Variants in FAR1 observed in about 807,000 individuals in gnomAD.
The protein encoded by FAR1 is male sterility domain-containing protein 2.
Under a neutral mutation model 61.1 loss-of-function variants are expected in FAR1, and 22 were observed. That is an observed-to-expected ratio of 0.36 (90% CI 0.26 to 0.51). FAR1 has a LOEUF of 0.51. Ranked by LOEUF, FAR1 falls within the 20% of genes least tolerant of loss-of-function variation. The pLI, the probability that FAR1 is intolerant of heterozygous loss-of-function variation, is 0.95. For synonymous variants in FAR1, 206 were observed against 209.7 expected (o/e 0.98, Z 0.15); for missense variants, 359 against 626.9 (o/e 0.57, Z 4.56).
intron 1 of FAR1, among the ~76,000 whole-genome samples, chr11:13,676,711 GA>G (rs1432510416): frequency 6.6e-5 from 10 of 152,158 alleles, no homozygotes; most frequent in Admixed American, 1.3e-4. Flanking sequence ...CAGGAGATAG[GA>G]ACAGGTGAAT....
intron 10 of FAR1, chr11:13,723,362 CAAAAA>C (rs71313446): frequency 1.5e-4 from 38 of 259,812 alleles, no homozygotes; most frequent in South Asian, 2.0e-4. Flanking sequence ...GAGAGTCTCT[CAAAAA>C]AAAAAAAAAA....
intron 4 of FAR1, among the ~76,000 whole-genome samples, chr11:13,708,447 G>GCGCGCGCGCACACACA (rs139902063): frequency 7.3e-6 from 1 of 136,700 alleles, no homozygotes; most frequent in African/African-American, 2.8e-5. Flanking sequence ...GCGCGCGCGC[G>GCGCGCGCGCACACACA]CACACACACA....
At chr11:13,706,354 T>G (rs1848431552) in intron 3 of FAR1, among the ~76,000 whole-genome samples, 1 of 152,168 alleles carries the variant, frequency 6.6e-6, no homozygotes, top group Non-Finnish European at 1.5e-5. Flanking sequence ...ACTAGATTAA[T>G]AAATATACCA....
chr11:13,676,867 A>T (rs1159997441), intron 1 of FAR1, among the ~76,000 whole-genome samples: 3 of 152,186 alleles, frequency 2.0e-5, no homozygotes, highest in African/African-American at 7.2e-5. Context: ...ACTAGTAGGA[A>T]ACAACTTATT....
At chr11:13,708,372 CAAAA>C (rs757008259) in intron 4 of FAR1, among the ~76,000 whole-genome samples, 3 of 142,904 alleles carry the variant, frequency 2.1e-5, no homozygotes, top group Non-Finnish European at 4.6e-5. Flanking sequence ...AAACAAAAAA[CAAAA>C]AAAAAACCTT....
rs1227030017 is a variant in FAR1 at position 13,712,698 on chromosome 11, T to C, written c.888-268T>C. ...TTGTTGTTTTCCTCGTGTTTAAAAA[T>C]AGACATTCCTGCTAATATAAGGAGG... On this transcript the variant is annotated intron_variant, in intron 7 of 11. Coordinates refer to ENST00000354817, the MANE Select transcript of FAR1 (RefSeq NM_032228.6). Among the ~76,000 whole-genome samples, 4 of 152,046 alleles carry C rather than the reference T, an allele frequency of 2.6e-5. No individual in the cohort carries two copies. The East Asian group carries it at 5.8e-4, about 22-fold the overall frequency.
chr11:13,711,679 A>G, intron 5 of FAR1, 85 bp from the exon 6 acceptor site: 1 of 992,798 alleles, frequency 1.0e-6, no homozygotes, highest in Non-Finnish European at 1.6e-6. Context: ...CCAAGTATAT[A>G]TTTGGGGTTG....
At position 13,721,874 on chromosome 11, in the gene FAR1, T is replaced by C; in HGVS notation, c.1257+15T>C. 6.3e-7 allele frequency: 1 copy of C among 1,582,838 alleles called. No homozygotes were observed. Among genetic ancestry groups the C allele is most frequent in the Non-Finnish European group, 8.6e-7 (1 of 1,165,766 alleles). ...AAGATAAAAAGGCAAGCAAGTATTT[T>C]CTGTTTTATATTAGAAAATAAGTAG... is the stretch of plus-strand genomic sequence containing the variant. On this transcript the variant is annotated intron_variant, in intron 10 of 11. Transcript: ENST00000354817. This position sits in a 1 kb window ranked among gnomAD's most constrained non-coding sequence, Gnocchi z 4.2.
intron 1 of FAR1, among the ~76,000 whole-genome samples, chr11:13,686,157 C>G (rs1848182672): frequency 6.6e-6 from 1 of 152,114 alleles, no homozygotes. Context: ...GGACCTCAGG[C>G]AAGAAAAGTT....
chr11:13,700,220 A>C (rs928641356), intron 2 of FAR1, 97 bp from the exon 3 acceptor site: 1 of 893,210 alleles, frequency 1.1e-6, no homozygotes, highest in Non-Finnish European at 1.7e-6. Flanking sequence ...TAAGTTTCTA[A>C]AAAAATAGTC....
intron 2 of FAR1, among the ~76,000 whole-genome samples, chr11:13,699,683 C>A (rs1848348826): frequency 6.6e-6 from 1 of 152,152 alleles, no homozygotes; most frequent in African/African-American, 2.4e-5. Flanking sequence ...GATTGTCTAG[C>A]AAAATTTATT....
chr11:13,691,366 T>C lies in FAR1; in HGVS notation c.-7-3393T>C, dbSNP rs192002506. 1.4e-3 allele frequency among the ~76,000 whole-genome samples: 220 copies of C among 152,346 alleles called. 1 individual carries two copies. The highest frequency in any genetic ancestry group is 5.1e-3 in the African/African-American group (212 of 41,590). ...TCTTAATAGTATCACATTGGCAAAATCTGAATTTTGGAGGGGACACATTCA... is the reference window on the plus strand; with the variant it reads ...TCTTAATAGTATCACATTGGCAAAACCTGAATTTTGGAGGGGACACATTCA... On this transcript the variant is annotated intron_variant, in intron 1 of 11. Transcript: ENST00000354817.
In FAR1 at chr11:13,714,815, A is replaced by T. The variant is rs377119308; in HGVS notation, c.1127+135A>T. The T allele has an allele frequency of 9.7e-6, 7 of 720,686 alleles. No individual in the cohort carries two copies. In the African/African-American group the frequency reaches 1.1e-4, roughly 11 times the overall value. 44.6% of individuals were successfully genotyped at this position (720,686 alleles called of 1,614,324 possible). A position where few individuals can be genotyped will look rare whatever the true frequency, so the allele number is the denominator to read the frequency against. On this transcript the variant is annotated intron_variant, in intron 9 of 11. Coordinates refer to ENST00000354817, the MANE Select transcript of FAR1 (RefSeq NM_032228.6). The stretch of plus-strand genomic sequence containing the variant: ...CCTTTTGTGAATGAGAAGCCTCTTG[A>T]ATTTAAGACTTTGTCAGAAAAGCAA...
At position 13,682,327 on chromosome 11, in the gene FAR1, T is replaced by C. The variant is rs180923210; in HGVS notation, c.-7-12432T>C. Among the ~76,000 whole-genome samples, 18 of 152,330 alleles carry C rather than the reference T, an allele frequency of 1.2e-4. No homozygotes were observed. In the South Asian group the frequency reaches 1.2e-3, roughly 11 times the overall value. ...CTCATTTATACTTCATTTTTCTGAA[T>C]GTTTGTGGAATATTGGAAATCATTG... On this transcript the variant is annotated intron_variant, in intron 1 of 11. Transcript: ENST00000354817.
intron 2 of FAR1, among the ~76,000 whole-genome samples, chr11:13,696,430 G>T (rs887952526): frequency 2.0e-5 from 3 of 152,050 alleles, no homozygotes; most frequent in Admixed American, 6.6e-5. Context: ...CTGATGTGCT[G>T]GCCAGAATTG....
intron 3 of FAR1, among the ~76,000 whole-genome samples, chr11:13,703,432 A>C (rs913148205): frequency 6.6e-6 from 1 of 152,202 alleles, no homozygotes; most frequent in Non-Finnish European, 1.5e-5. Context: ...CAAATAAAAA[A>C]TGGCATGAAG....
At chr11:13,682,999 T>G (rs959517847) in intron 1 of FAR1, among the ~76,000 whole-genome samples, 3 of 152,222 alleles carry the variant, frequency 2.0e-5, no homozygotes, top group African/African-American at 7.2e-5. Flanking sequence ...TAAAAGATTA[T>G]TTAACGTAAC....
In FAR1 at chr11:13,716,012, G is replaced by A. The variant is rs144433798; in HGVS notation, c.1127+1332G>A. Among the ~76,000 whole-genome samples the A allele has an allele frequency of 5.6e-3, 845 of 152,246 alleles. 3 individuals carry two copies. Among genetic ancestry groups the A allele is most frequent in the Non-Finnish European group, 8.2e-3 (561 of 68,010 alleles). ...TGTTAGCTAATTGAAATATGTGAGA[G>A]GTGTTGAACAACTTTAGAGCAGGTA... is the stretch of plus-strand genomic sequence containing the variant. On this transcript the variant is annotated intron_variant, in intron 9 of 11. Coordinates refer to ENST00000354817, the MANE Select transcript of FAR1 (RefSeq NM_032228.6).
At chr11:13,691,519 A>G (rs113832297) in intron 1 of FAR1, among the ~76,000 whole-genome samples, 2 of 152,198 alleles carry the variant, frequency 1.3e-5, no homozygotes, top group Non-Finnish European at 2.9e-5. Flanking sequence ...CAGTTTCTCT[A>G]TACTCAACTA....
Sources: allele counts gnomAD v4.1 joint callset (sites outside exome capture counted in the v4.1 genomes callset), GRCh38; gene constraint gnomAD v4.1.1; non-coding constraint Gnocchi (gnomAD v3.1); transcripts MANE v1.5; gene names NCBI Gene and HGNC (gene_info 2026-07-23, HGNC 2026-07-21).